Variants in TBC1D5 observed in about 807,000 individuals in gnomAD.
The protein encoded by TBC1D5 is TBC1 domain family, member 5.
TBC1D5 carries 75 observed loss-of-function variants against 100.3 expected under a neutral mutation model. That is an observed-to-expected ratio of 0.75 (90% CI 0.62 to 0.91). The LOEUF (loss-of-function observed/expected upper bound fraction) is 0.91. Ranked by LOEUF, TBC1D5 falls within the 40% of genes least tolerant of loss-of-function variation. The probability of loss-of-function intolerance (pLI) is 0.00; values close to 1 mark genes in which losing one functional copy is unlikely to be tolerated. For missense variants in TBC1D5, 910 were observed against 942.4 expected (o/e 0.97, Z 0.45); for synonymous variants, 323 against 325.6 (o/e 0.99, Z 0.09).
chr3:17,637,896 A>G (rs1048973096), intron 1 of TBC1D5, among the ~76,000 whole-genome samples: 1 of 152,200 alleles, frequency 6.6e-6, no homozygotes, highest in Non-Finnish European at 1.5e-5. Context: ...AGACAAGTGC[A>G]CAAAAATATA....
At chr3:17,652,022 C>A (rs927944619) in intron 1 of TBC1D5, among the ~76,000 whole-genome samples, 18 of 152,092 alleles carry the variant, frequency 1.2e-4, no homozygotes, top group Non-Finnish European at 2.9e-5. Context: ...AGAAACTCAT[C>A]TTTTTAAAAC....
intron 2 of TBC1D5, among the ~76,000 whole-genome samples, chr3:17,577,198 A>C (rs1030032421): frequency 6.6e-6 from 1 of 152,114 alleles, no homozygotes; most frequent in African/African-American, 2.4e-5. Flanking sequence ...GCATATAAAA[A>C]TTTCTTGAGT....
intron 16 of TBC1D5, among the ~76,000 whole-genome samples, chr3:17,253,537 G>A (rs1275475855): frequency 6.6e-6 from 1 of 152,116 alleles, no homozygotes; most frequent in African/African-American, 2.4e-5. Flanking sequence ...TCAATCTGAT[G>A]AGTTTTGACA....
intron 14 of TBC1D5, among the ~76,000 whole-genome samples, chr3:17,299,112 CT>C (rs973445111): frequency 1.3e-5 from 2 of 152,132 alleles, no homozygotes; most frequent in Non-Finnish European, 2.9e-5. Context: ...AGCTTTAGGG[CT>C]TTAAGTAAAA....
chr3:17,704,984 G>A (rs1216305316), intron 1 of TBC1D5, among the ~76,000 whole-genome samples: 8 of 123,810 alleles, frequency 6.5e-5, no homozygotes, highest in African/African-American at 2.1e-4. Flanking sequence ...CAGACGGGGC[G>A]GCTGGCCGGG....
chr3:17,348,053 C>A (rs908271185), intron 13 of TBC1D5, among the ~76,000 whole-genome samples: 1 of 152,124 alleles, frequency 6.6e-6, no homozygotes, highest in Non-Finnish European at 1.5e-5. Context: ...CTCATACTTA[C>A]AATATCATCT....
At chr3:17,673,311 CTT>C (rs374496313) in intron 1 of TBC1D5, among the ~76,000 whole-genome samples, 18 of 125,954 alleles carry the variant, frequency 1.4e-4, no homozygotes, top group Non-Finnish European at 2.0e-4. Context: ...CTTTTCTTTT[CTT>C]TTTTTTTTTT....
chr3:17,713,032 T>C (rs569507897), intron 1 of TBC1D5, among the ~76,000 whole-genome samples: 1 of 152,284 alleles, frequency 6.6e-6, no homozygotes, highest in African/African-American at 2.4e-5. Flanking sequence ...TACCCCTGAC[T>C]TAAACCTCTC....
At chr3:17,658,727 G>A (rs1444336900) in intron 1 of TBC1D5, among the ~76,000 whole-genome samples, 1 of 152,098 alleles carries the variant, frequency 6.6e-6, no homozygotes, top group African/African-American at 2.4e-5. Context: ...CACAATCTCA[G>A]CTCACTGCAA....
intron 15 of TBC1D5, among the ~76,000 whole-genome samples, chr3:17,279,665 T>A (rs2080366204): frequency 1.3e-5 from 2 of 152,348 alleles, no homozygotes; most frequent in African/African-American, 4.8e-5. Context: ...GGTGTTTGGC[T>A]TTCAATCTGT....
chr3:17,351,944 CA>C (rs1244678180), intron 13 of TBC1D5, among the ~76,000 whole-genome samples: 1 of 148,760 alleles, frequency 6.7e-6, no homozygotes, highest in African/African-American at 2.5e-5. Context: ...TTTTTCCCCC[CA>C]AAAAAACCCT....
At chr3:17,427,916 C>T (rs891759823) in intron 4 of TBC1D5, among the ~76,000 whole-genome samples, 2 of 151,838 alleles carry the variant, frequency 1.3e-5, no homozygotes, top group Admixed American at 6.6e-5. Flanking sequence ...AGGTAAAATA[C>T]ATATTTTCTT....
intron 2 of TBC1D5, among the ~76,000 whole-genome samples, chr3:17,513,449 GCAC>G (rs965133421): frequency 2.0e-5 from 3 of 152,072 alleles, no homozygotes; most frequent in Non-Finnish European, 4.4e-5. Context: ...TTTTAAAATG[GCAC>G]CACATGAGCA....
chr3:17,398,730 A>G (rs2093570752), intron 8 of TBC1D5, among the ~76,000 whole-genome samples: 1 of 131,348 alleles, frequency 7.6e-6, no homozygotes, highest in Non-Finnish European at 1.6e-5. Flanking sequence ...TGACACCAAT[A>G]ATCCTGCATT....
chr3:17,404,785 A>AG lies in TBC1D5; in HGVS notation c.367-18_367-17insC. The AG allele has an allele frequency of 6.3e-7, 1 of 1,598,004 alleles. No homozygotes were observed. Among genetic ancestry groups the AG allele is most frequent in the Non-Finnish European group, 8.5e-7 (1 of 1,174,904 alleles). The stretch of plus-strand genomic sequence containing the variant: ...GGTAATATGCTAGTAAAGAAAGAGA[A>AG]AACACACACACAAGGATCAGAGGCT... On this transcript the variant is annotated splice_polypyrimidine_tract_variant and intron_variant, in intron 6 of 21. Coordinates refer to ENST00000253692, the Ensembl canonical transcript of TBC1D5.
intron 1 of TBC1D5, among the ~76,000 whole-genome samples, chr3:17,693,809 CT>C (rs1245607752): frequency 6.6e-6 from 1 of 152,230 alleles, no homozygotes; most frequent in Non-Finnish European, 1.5e-5. Flanking sequence ...TGTAGCCAAA[CT>C]GGGAGACACC....
intron 13 of TBC1D5, among the ~76,000 whole-genome samples, chr3:17,363,004 T>C (rs551647615): frequency 6.7e-6 from 1 of 148,900 alleles, no homozygotes; most frequent in Non-Finnish European, 1.5e-5. Flanking sequence ...TTAGTCTTGC[T>C]AGTGTCTGTC....
At chr3:17,211,176 T>C (rs1559416091) in intron 18 of TBC1D5, among the ~76,000 whole-genome samples, 1 of 152,210 alleles carries the variant, frequency 6.6e-6, no homozygotes. Context: ...AAGAGGAAGT[T>C]CTGTGTTTGG....
intron 15 of TBC1D5, among the ~76,000 whole-genome samples, chr3:17,266,971 C>T (rs1444615725): frequency 6.6e-6 from 1 of 151,818 alleles, no homozygotes; most frequent in Non-Finnish European, 1.5e-5. Context: ...AAGACACAGA[C>T]AAAACCTCTG....
Sources: allele counts gnomAD v4.1 joint callset (sites outside exome capture counted in the v4.1 genomes callset), GRCh38; gene constraint gnomAD v4.1.1; transcripts MANE v1.5; gene names NCBI Gene and HGNC (gene_info 2026-07-23, HGNC 2026-07-21).